The following DLGAP2 variants were observed in gnomAD, a reference collection of about 807,000 sequenced individuals.
DLGAP2 encodes the protein DLG associated protein 2, also known as disks large-associated protein 2.
In DLGAP2, 26 loss-of-function variants were observed where a neutral mutation model predicts 100.3. The ratio of observed to expected loss-of-function variants is 0.26; its 90% CI spans 0.19 to 0.36. The LOEUF (loss-of-function observed/expected upper bound fraction) is 0.36. Ranked by LOEUF, DLGAP2 falls within the 10% of genes least tolerant of loss-of-function variation. DLGAP2 has a pLI of 1.00. For synonymous variants in DLGAP2, 886 were observed against 630.1 expected (o/e 1.41, Z -6.08); for missense variants, 1,858 against 1,453.2 (o/e 1.28, Z -4.53).
At chr8:1,357,092 C>A (rs1801871612) in intron 3 of DLGAP2, among the ~76,000 whole-genome samples, 1 of 150,872 alleles carries the variant, frequency 6.6e-6, no homozygotes, top group Admixed American at 6.6e-5. Flanking sequence ...GACATTAAAG[C>A]AGATGAGCCA....
At chr8:902,498 G>A (rs551831155) in intron 1 of DLGAP2, among the ~76,000 whole-genome samples, 1 of 146,430 alleles carries the variant, frequency 6.8e-6, no homozygotes, top group Admixed American at 6.9e-5. Context: ...AGAGGCGCTG[G>A]GTGCCCTGCG....
At chr8:1,025,020 T>A (rs1425974825) in intron 2 of DLGAP2, among the ~76,000 whole-genome samples, 2 of 151,972 alleles carry the variant, frequency 1.3e-5, no homozygotes, top group African/African-American at 4.8e-5. Context: ...TCTCTGTGTC[T>A]CTGCTCCCCC....
chr8:1,622,832 G>C (rs1339970440), intron 6 of DLGAP2, among the ~76,000 whole-genome samples: 1 of 152,192 alleles, frequency 6.6e-6, no homozygotes, highest in Non-Finnish European at 1.5e-5. Flanking sequence ...GGGGCTGAAA[G>C]TCAACTTCAA....
intron 1 of DLGAP2, among the ~76,000 whole-genome samples, chr8:748,521 T>G (rs1048931856): frequency 1.3e-5 from 2 of 152,098 alleles, no homozygotes; most frequent in African/African-American, 4.8e-5. Flanking sequence ...ACCTGGCATT[T>G]GTTTTCTCCC....
rs143313683 is a variant in DLGAP2 at position 1,671,175 on chromosome 8, A to T, written c.2202+1391A>T. ...CGGCCGAGACTGGAGCCTGCACTCC[A>T]CTCCACCCCTCTCTGCTCTGCTTCT... On this transcript the variant is annotated intron_variant, in intron 10 of 14. Coordinates refer to ENST00000637795, the MANE Select transcript of DLGAP2 (RefSeq NM_001346810.2). Among the ~76,000 whole-genome samples, 545 of 151,904 alleles carry T rather than the reference A, an allele frequency of 3.6e-3. 5 individuals are homozygous for T. Among genetic ancestry groups the T allele is most frequent in the African/African-American group, 0.012 (509 of 41,414 alleles).
chr8:938,125 G>C (rs79764775), intron 2 of DLGAP2, among the ~76,000 whole-genome samples: 342 of 152,290 alleles, frequency 2.2e-3, no homozygotes, highest in Non-Finnish European at 4.1e-3. Flanking sequence ...TGCAGTGTGA[G>C]CTGCGGATCT....
chr8:1,218,446 A>G (rs1386300497), intron 2 of DLGAP2, among the ~76,000 whole-genome samples: 12 of 151,652 alleles, frequency 7.9e-5, no homozygotes, highest in Admixed American at 6.6e-4. Flanking sequence ...CCATTGGTCT[A>G]TGTGTCTGGG....
chr8:1,036,774 G>T (rs1383495131), intron 2 of DLGAP2, among the ~76,000 whole-genome samples: 1 of 152,128 alleles, frequency 6.6e-6, no homozygotes, highest in Admixed American at 6.5e-5. Context: ...CGCAGGCTGG[G>T]AATTGCCGTC....
chr8:1,322,122 T>G (rs1800915408), intron 3 of DLGAP2, among the ~76,000 whole-genome samples: 1 of 152,216 alleles, frequency 6.6e-6, no homozygotes, highest in Non-Finnish European at 1.5e-5. Context: ...CCCAACTTGA[T>G]ATTAAGTGAA....
At position 1,668,352 on chromosome 8, in the gene DLGAP2, A is replaced by G; in HGVS notation, c.1834A>G (p.Lys612Glu). ...AGCTGTCTCATATACAAATTACAAG[A>G]AAACGCCCCCACCGGTGCCCCCTCG... ...TAAVSYTNYK[K>E]TPPPVPPRTT... Residue 612 changes from lysine (K) to glutamate (E), a missense_variant, in exon 9 of 15, where the codon AAA becomes GAA. By Grantham distance (56) the Lys-to-Glu change is moderately conservative (BLOSUM62 1). Transcript: ENST00000637795. 1 of 1,526,496 alleles carries G rather than the reference A, an allele frequency of 6.6e-7. No individual in the cohort carries two copies. The highest frequency in any genetic ancestry group is 1.3e-5 in the South Asian group (1 of 76,718). The allele number at this position is 1,526,496 out of a possible 1,614,324, so 94.6% of individuals were successfully genotyped here. A position where few individuals can be genotyped will look rare whatever the true frequency, so the allele number is the denominator to read the frequency against.
At chr8:948,973 C>T (rs1244654530) in intron 2 of DLGAP2, among the ~76,000 whole-genome samples, 1 of 151,540 alleles carries the variant, frequency 6.6e-6, no homozygotes, top group Non-Finnish European at 1.5e-5. Context: ...TGACTGCCGC[C>T]ATCTTGAGGA....
chr8:1,009,622 C>T (rs1239682152), intron 2 of DLGAP2, among the ~76,000 whole-genome samples: 1 of 152,184 alleles, frequency 6.6e-6, no homozygotes, highest in Non-Finnish European at 1.5e-5. Context: ...CAGTTGGAAG[C>T]AGAGTCCATT....
At chr8:916,656 TA>T (rs578066439) in intron 2 of DLGAP2, among the ~76,000 whole-genome samples, 2 of 151,768 alleles carry the variant, frequency 1.3e-5, no homozygotes, top group East Asian at 1.9e-4. Context: ...TAAAGTATAA[TA>T]AAAAAAATTA....
At chr8:1,116,335 A>C (rs1805116984) in intron 2 of DLGAP2, among the ~76,000 whole-genome samples, 1 of 152,194 alleles carries the variant, frequency 6.6e-6, no homozygotes. Context: ...CTGGACGAAG[A>C]GTGAGCGGTT....
intron 2 of DLGAP2, among the ~76,000 whole-genome samples, chr8:920,562 C>T (rs192114314): frequency 6.6e-6 from 1 of 152,158 alleles, no homozygotes; most frequent in East Asian, 1.9e-4. Context: ...TTGAGACCAG[C>T]CTGGGCAACA....
intron 2 of DLGAP2, among the ~76,000 whole-genome samples, chr8:1,222,732 G>A (rs940596244): frequency 2.0e-5 from 3 of 152,104 alleles, no homozygotes; most frequent in African/African-American, 7.2e-5. Context: ...TGCTCTGATG[G>A]TCAGACGGGC....
At chr8:1,487,780 T>A (rs759935777) in intron 3 of DLGAP2, among the ~76,000 whole-genome samples, 45 of 152,164 alleles carry the variant, frequency 3.0e-4, no homozygotes, top group Non-Finnish European at 1.3e-4. Context: ...CAGGTCCTCA[T>A]CCTCAAGGGC....
chr8:1,470,243 G>A (rs533121063), intron 3 of DLGAP2, among the ~76,000 whole-genome samples: 5 of 152,172 alleles, frequency 3.3e-5, no homozygotes, highest in East Asian at 1.9e-4. Context: ...CTCGCTGGAC[G>A]TCTACACTGT....
At chr8:1,487,177 C>G (rs931012146) in intron 3 of DLGAP2, among the ~76,000 whole-genome samples, 1 of 152,144 alleles carries the variant, frequency 6.6e-6, no homozygotes, top group African/African-American at 2.4e-5. Flanking sequence ...AGAATGATGC[C>G]TTAGGCATGA....
Sources: allele counts gnomAD v4.1 joint callset (sites outside exome capture counted in the v4.1 genomes callset), GRCh38; gene constraint gnomAD v4.1.1; transcripts MANE v1.5; gene names NCBI Gene and HGNC (gene_info 2026-07-23, HGNC 2026-07-21).